The following ILDR2 variants were observed in gnomAD, a reference collection of about 807,000 sequenced individuals.
ILDR2 encodes the protein immunoglobulin-like domain-containing receptor 2.
ILDR2 carries 25 observed loss-of-function variants against 66.8 expected under a neutral mutation model. The observed-to-expected ratio is 0.37, with a 90% CI of 0.27 to 0.52. The LOEUF (loss-of-function observed/expected upper bound fraction) is 0.52, where lower values mean the gene tolerates loss of function less well. Ranked by LOEUF, ILDR2 falls within the 20% of genes least tolerant of loss-of-function variation. The probability of loss-of-function intolerance (pLI) is 0.88; values close to 1 mark genes in which losing one functional copy is unlikely to be tolerated. For missense variants in ILDR2, 827 were observed against 876.8 expected (o/e 0.94, Z 0.72); for synonymous variants, 367 against 357.2 (o/e 1.03, Z -0.31).
chr1:166,973,695 C>A (rs1663446141), intron 1 of ILDR2, among the ~76,000 whole-genome samples: 1 of 137,634 alleles, frequency 7.3e-6, no homozygotes, highest in South Asian at 2.4e-4. Flanking sequence ...ATATTGATAA[C>A]CGAGAGTAGA....
intron 1 of ILDR2, among the ~76,000 whole-genome samples, chr1:166,960,819 T>C (rs906822317): frequency 2.6e-5 from 4 of 152,244 alleles, no homozygotes; most frequent in Non-Finnish European, 5.9e-5. Flanking sequence ...CCCTCACTTA[T>C]GAAGCTAGAT....
rs1232041084 is a variant in ILDR2, at chr1:166,913,260, G to T, written c.*6095C>A. On this transcript the variant is annotated 3_prime_UTR_variant, in exon 10 of 10. Transcript: ENST00000271417. ...CATTACAACCAAATTCAATTTGTAT[G>T]TCTGACACAGAAAAAAAAAGTCATG... 6.6e-6 allele frequency: 1 copy of T among 151,996 alleles called. No homozygotes were observed. Among genetic ancestry groups the T allele is most frequent in the African/African-American group, 2.4e-5 (1 of 41,380 alleles). 9.4% of individuals were successfully genotyped at this position (151,996 alleles called of 1,614,324 possible). A position where few individuals can be genotyped will look rare whatever the true frequency, so the allele number is the denominator to read the frequency against.
intron 3 of ILDR2, among the ~76,000 whole-genome samples, chr1:166,952,391 T>G (rs1490707828): frequency 6.6e-6 from 1 of 152,220 alleles, no homozygotes; most frequent in Non-Finnish European, 1.5e-5. Context: ...ACCAAAACAC[T>G]ATGCATTTCC....
intron 2 of ILDR2, among the ~76,000 whole-genome samples, chr1:166,897,385 G>A (rs1659184977): frequency 6.6e-6 from 1 of 152,134 alleles, no homozygotes; most frequent in Non-Finnish European, 1.5e-5. Context: ...TGAGTGACAG[G>A]AGTGTCTTTG....
intron 3 of ILDR2, among the ~76,000 whole-genome samples, chr1:166,945,152 A>G (rs1661541669): frequency 1.3e-5 from 2 of 152,356 alleles, no homozygotes; most frequent in South Asian, 2.1e-4. Flanking sequence ...TATTCTATAT[A>G]CTGCACAATG....
intron 3 of ILDR2, among the ~76,000 whole-genome samples, chr1:166,953,350 C>A (rs1034466345): frequency 2.0e-5 from 3 of 152,218 alleles, no homozygotes; most frequent in African/African-American, 7.2e-5. Flanking sequence ...TAAGATACTT[C>A]ACAATCTTGC....
chr1:166,936,633 G>A lies in ILDR2; in HGVS notation c.661C>T (p.Arg221Cys), dbSNP rs770918982. ...CAGGAATCTGGGCAGCATGGGCAGC[G>A]GACATAGCAGCAGCAGCTGTGAGGG... ...CCPHSCCCYV[R>C]CPCCPDSCCC... Residue 221 changes from arginine (R) to cysteine (C), a missense_variant, in exon 5 of 10, where the codon CGC becomes TGC. Arg to Cys is a radical substitution (Grantham distance 180). Coordinates refer to ENST00000271417, the MANE Select transcript of ILDR2 (RefSeq NM_199351.3). The surrounding 1 kb of genome is among the most constrained non-coding windows in gnomAD (Gnocchi z 5.0). 5 of 1,613,786 alleles carry A rather than the reference G, an allele frequency of 3.1e-6. No homozygotes were observed. Among genetic ancestry groups the A allele is most frequent in the Non-Finnish European group, 4.2e-6 (5 of 1,179,740 alleles).
At chr1:166,955,780 A>G (rs921219108) in intron 3 of ILDR2, among the ~76,000 whole-genome samples, 2 of 152,180 alleles carry the variant, frequency 1.3e-5, no homozygotes, top group Non-Finnish European at 2.9e-5. Flanking sequence ...CAATTTTTAT[A>G]TAGGGTACAA....
At chr1:166,906,331 C>T (rs551350185), downstream of ILDR2, among the ~76,000 whole-genome samples, 4 of 152,198 alleles carry the variant, frequency 2.6e-5, no homozygotes, top group Non-Finnish European at 5.9e-5. Flanking sequence ...AGGGCGAACA[C>T]TGCAGAGGAA....
Position 166,920,995 on chromosome 1 carries a change from C to T in ILDR2, c.1596G>A (p.Ala532=), listed in dbSNP as rs750165635. ...PKYDHSYLGS[A]RERQARPEGA... ...CCTCGGGCCGCGCCTGGCGCTCCCG[C>T]GCGCTGCCCAGGTACGAGTGGTCGT... Residue 532 remains alanine (A), a synonymous_variant, in exon 9 of 10, where the codon GCG becomes GCA. Coordinates refer to ENST00000271417, the MANE Select transcript of ILDR2 (RefSeq NM_199351.3). 2.0e-6 allele frequency: 3 copies of T among 1,498,504 alleles called. No homozygotes were observed. In the East Asian group the frequency reaches 8.3e-5, roughly 41 times the overall value. 92.8% of individuals were successfully genotyped at this position (1,498,504 alleles called of 1,614,324 possible).
intron 6 of ILDR2, among the ~76,000 whole-genome samples, chr1:166,932,788 T>C (rs1405734185): frequency 2.0e-5 from 3 of 152,238 alleles, no homozygotes. Context: ...ACAAATGTAA[T>C]CTGAAAAATT....
chr1:166,955,696 A>T lies in ILDR2; in HGVS notation c.499+1037T>A, dbSNP rs189547295. 1.3e-3 allele frequency among the ~76,000 whole-genome samples: 202 copies of T among 152,356 alleles called. 1 individual carries two copies. Among genetic ancestry groups the T allele is most frequent in the Middle Eastern group, 3.4e-3 (1 of 294 alleles). On this transcript the variant is annotated intron_variant, in intron 3 of 9. Transcript: ENST00000271417. Reference sequence around the variant, plus strand: ...AATAGTTGTTTTGCCAAAGTCACACAATCATGATAAAGACTAAAACTAAAA... The same window carrying T: ...AATAGTTGTTTTGCCAAAGTCACACTATCATGATAAAGACTAAAACTAAAA...
In ILDR2 at chr1:166,913,440, G is replaced by A. The variant is rs1341274296; in HGVS notation, c.*5915C>T. 1 of 152,032 alleles carries A rather than the reference G, an allele frequency of 6.6e-6. No individual in the cohort carries two copies. 9.4% of individuals were successfully genotyped at this position (152,032 alleles called of 1,614,324 possible). A position where few individuals can be genotyped will look rare whatever the true frequency, so the allele number is the denominator to read the frequency against. On this transcript the variant is annotated 3_prime_UTR_variant, in exon 10 of 10. Transcript: ENST00000271417. ...CACAGCAAATTTCTTATGCAGTCGT[G>A]TCTAATACTTTTGTTAATAAAATGG...
At chr1:166,907,157 A>G (rs1441171895), downstream of ILDR2, 1 of 152,230 alleles carries the variant, frequency 6.6e-6, no homozygotes, top group African/African-American at 2.4e-5. Flanking sequence ...CAAGAATTTA[A>G]ATCATTCCAT....
At chr1:166,966,656 G>C (rs1204687706) in intron 1 of ILDR2, among the ~76,000 whole-genome samples, 1 of 152,142 alleles carries the variant, frequency 6.6e-6, no homozygotes, top group Non-Finnish European at 1.5e-5. Flanking sequence ...TTTTCTTTCT[G>C]TCTCATTTGC....
intron 6 of ILDR2, among the ~76,000 whole-genome samples, chr1:166,931,523 C>A (rs761144391): frequency 1.3e-5 from 2 of 152,126 alleles, no homozygotes; most frequent in Non-Finnish European, 2.9e-5. Flanking sequence ...CTACTCAATT[C>A]TTTTGCATGA....
In ILDR2 at chr1:166,950,654, G is replaced by A. The variant is rs952311913; in HGVS notation, c.499+6079C>T. On this transcript the variant is annotated intron_variant, in intron 3 of 9. Transcript: ENST00000271417. ...TATACTATATGGCTTTTTAATACTA[G>A]TGGATGGAGAAGTTTATTTTAAAGC... 3.3e-5 allele frequency among the ~76,000 whole-genome samples: 5 copies of A among 151,890 alleles called. No individual in the cohort carries two copies. The East Asian group carries it at 9.6e-4, about 29-fold the overall frequency.
chr1:166,962,117 C>T (rs1018452645), intron 1 of ILDR2, among the ~76,000 whole-genome samples: 3 of 152,168 alleles, frequency 2.0e-5, no homozygotes, highest in African/African-American at 4.8e-5. Context: ...TCCCTGCTTC[C>T]ACACTACAGG....
chr1:166,915,237 G>A lies in ILDR2; in HGVS notation c.*4118C>T, dbSNP rs1475004830. The A allele has an allele frequency of 1.3e-5, 2 of 152,188 alleles. No homozygotes were observed. The highest frequency in any genetic ancestry group is 2.9e-5 in the Non-Finnish European group (2 of 68,064). The allele number at this position is 152,188 out of a possible 1,614,324, so 9.4% of individuals were successfully genotyped here. A position where few individuals can be genotyped will look rare whatever the true frequency, so the allele number is the denominator to read the frequency against. ...TAGCGTACTCTGGTGAGCCCATCCA[G>A]GTCACAGCCAGACTTCTGAGTGACT... On this transcript the variant is annotated 3_prime_UTR_variant, in exon 10 of 10. Transcript: ENST00000271417.
Sources: gnomAD v4.1 joint callset for allele counts (sites outside exome capture counted in the v4.1 genomes callset) on GRCh38, gnomAD v4.1.1 for gene constraint, Gnocchi (gnomAD v3.1) non-coding constraint, MANE v1.5 for transcripts, NCBI Gene and HGNC (gene_info 2026-07-23, HGNC 2026-07-21) for gene names.